SPHKAP: variants seen among roughly 807,000 people sequenced by gnomAD.
SPHKAP encodes SPHK1 interactor, AKAP domain containing.
In SPHKAP, 67 loss-of-function variants were observed where a neutral mutation model predicts 137.5. The observed-to-expected ratio is 0.49, with a 90% CI of 0.40 to 0.60. The LOEUF (loss-of-function observed/expected upper bound fraction) is 0.60, where lower values mean the gene tolerates loss of function less well. Among genes scored for constraint, SPHKAP ranks in the 20% least tolerant of loss-of-function variants. The pLI, the probability that SPHKAP is intolerant of heterozygous loss-of-function variation, is 0.00. For synonymous variants in SPHKAP, 813 were observed against 785.3 expected, an observed-to-expected ratio of 1.04 and a Z score of -0.59; for missense variants, 2,097 against 2,069.3, an observed-to-expected ratio of 1.01 and a Z score of -0.26.
rs529122267 is a variant in SPHKAP, at chr2:228,103,181, C to A, written c.246+5651G>T. Among the ~76,000 whole-genome samples the A allele has an allele frequency of 1.1e-3, 165 of 152,298 alleles. 1 individual carries two copies. Among genetic ancestry groups the A allele is most frequent in the African/African-American group, 3.5e-3 (147 of 41,546 alleles). On this transcript the variant is annotated intron_variant, in intron 3 of 11. Coordinates refer to ENST00000392056, the MANE Select transcript of SPHKAP (RefSeq NM_001142644.2). ...GTTCTGTGTCATGCTTTTCCCCCAA[C>A]CCCCCACAGAAACCTAATTCATTGT... is the stretch of plus-strand genomic sequence containing the variant.
At chr2:228,118,853 G>C (rs538037634) in intron 2 of SPHKAP, among the ~76,000 whole-genome samples, 47 of 152,062 alleles carry the variant, frequency 3.1e-4, no homozygotes, top group African/African-American at 1.1e-3. Flanking sequence ...CTGGAGCATT[G>C]GTGCACAAAA....
chr2:228,109,091 A>G (rs1698436767), intron 2 of SPHKAP, 152 bp from the exon 3 acceptor site: 2 of 560,984 alleles, frequency 3.6e-6, no homozygotes. Context: ...TTGCAGGATG[A>G]TAGCACCTCT....
chr2:228,079,606 T>G (rs191155660), intron 3 of SPHKAP, among the ~76,000 whole-genome samples: 1 of 152,324 alleles, frequency 6.6e-6, no homozygotes, highest in East Asian at 1.9e-4. Context: ...CCCCGGTGGA[T>G]GCATGTGCCA....
intron 3 of SPHKAP, among the ~76,000 whole-genome samples, chr2:228,054,101 A>G (rs975844917): frequency 6.6e-6 from 1 of 152,194 alleles, no homozygotes; most frequent in African/African-American, 2.4e-5. Context: ...AAAAGAGTAC[A>G]AAGGAAATCA....
At position 228,017,999 on chromosome 2, in the gene SPHKAP, G is replaced by C. The variant is rs746785203; in HGVS notation, c.2855C>G (p.Ser952Cys). Residue 952 changes from serine to cysteine, a missense_variant, in exon 7 of 12, where the codon TCC (serine) becomes TGC (cysteine). Coordinates refer to ENST00000392056, the MANE Select transcript of SPHKAP (RefSeq NM_001142644.2). ...TEIAAICLDN[S>C]SGKQPWFCAW... The stretch of plus-strand genomic sequence containing the variant: ...ACAAAACCAGGGTTGTTTTCCACTG[G>C]AGTTGTCAAGGCAAATCGCTGCAAT... 3 of 1,613,992 alleles carry C rather than the reference G, an allele frequency of 1.9e-6. No individual in the cohort carries two copies. In the East Asian group the frequency reaches 6.7e-5, roughly 36 times the overall value.
At chr2:228,080,154 A>G (rs952786662) in intron 3 of SPHKAP, among the ~76,000 whole-genome samples, 2 of 152,174 alleles carry the variant, frequency 1.3e-5, no homozygotes. Context: ...AAGCTTCTGC[A>G]CCGCCAAGGA....
chr2:228,033,180 G>A (rs527596724), intron 3 of SPHKAP, among the ~76,000 whole-genome samples: 18 of 152,204 alleles, frequency 1.2e-4, no homozygotes, highest in Non-Finnish European at 2.2e-4. Context: ...AGGGATGGAG[G>A]AAGATCTACC....
At chr2:228,159,093 C>T (rs1049057048) in intron 1 of SPHKAP, among the ~76,000 whole-genome samples, 23 of 152,138 alleles carry the variant, frequency 1.5e-4, no homozygotes, top group African/African-American at 5.6e-4. Context: ...ACTGTAGGGT[C>T]CATCCTCTCC....
rs376140293 is a variant in SPHKAP, at chr2:228,124,368, T to C, written c.138+7612A>G. Among the ~76,000 whole-genome samples, 26 of 151,818 alleles carry C rather than the reference T, an allele frequency of 1.7e-4. No homozygotes were observed. The East Asian group carries it at 4.5e-3, about 26-fold the overall frequency. The stretch of plus-strand genomic sequence containing the variant: ...ACAATGATAGACTGGATTAAGAAAA[T>C]GTGGCACATGTACACCATGGAATAC... On this transcript the variant is annotated intron_variant, in intron 2 of 11. Transcript: ENST00000392056.
At chr2:228,098,878 A>T (rs1698094967) in intron 3 of SPHKAP, among the ~76,000 whole-genome samples, 1 of 145,912 alleles carries the variant, frequency 6.9e-6, no homozygotes, top group African/African-American at 2.5e-5. Flanking sequence ...TAATGTGGTT[A>T]TTTGTTTTTT....
chr2:228,097,643 C>G (rs1698027401), intron 3 of SPHKAP, among the ~76,000 whole-genome samples: 1 of 152,098 alleles, frequency 6.6e-6, no homozygotes, highest in South Asian at 2.1e-4. Flanking sequence ...AGTAGTTTTC[C>G]ATCTCTTGCC....
At chr2:228,149,885 C>T (rs957145670) in intron 1 of SPHKAP, among the ~76,000 whole-genome samples, 1 of 152,060 alleles carries the variant, frequency 6.6e-6, no homozygotes, top group Non-Finnish European at 1.5e-5. Context: ...TGGAAATGCT[C>T]AGATTTGGTT....
chr2:228,033,261 A>G (rs1270598800), intron 3 of SPHKAP, among the ~76,000 whole-genome samples: 1 of 152,210 alleles, frequency 6.6e-6, no homozygotes, highest in South Asian at 2.1e-4. Flanking sequence ...TTAAACTAAC[A>G]AAGATCAAAA....
intron 11 of SPHKAP, 164 bp from the exon 12 acceptor site, chr2:227,982,024 A>G (rs993700208): frequency 3.1e-6 from 3 of 981,834 alleles, no homozygotes; most frequent in South Asian, 9.4e-5. Flanking sequence ...TAAGAATTTC[A>G]GATTATTACC....
Position 228,015,624 on chromosome 2 carries a change from C to T in SPHKAP, c.4448+782G>A, listed in dbSNP as rs151290603. Reference sequence around the variant, plus strand: ...CAGCCTCAGAGAAATTATTACCTTGCGTCAAATTCAAAATGGATTGTCAAC... The same window carrying T: ...CAGCCTCAGAGAAATTATTACCTTGTGTCAAATTCAAAATGGATTGTCAAC... On this transcript the variant is annotated intron_variant, in intron 7 of 11. Transcript: ENST00000392056. 8.8e-3 allele frequency among the ~76,000 whole-genome samples: 1,338 copies of T among 152,204 alleles called. 11 individuals are homozygous for T. The highest frequency in any genetic ancestry group is 0.015 in the African/African-American group (635 of 41,530).
At chr2:228,154,481 A>ACT (rs371642332) in intron 1 of SPHKAP, among the ~76,000 whole-genome samples, 682 of 47,180 alleles carry the variant, frequency 0.014, 21 homozygotes, top group African/African-American at 0.017. Flanking sequence ...TTGTAAATAA[A>ACT]CTCTCTCTCT....
At position 228,109,512 on chromosome 2, in the gene SPHKAP, G is replaced by A. The variant is rs992043094; in HGVS notation, c.139-573C>T. ...TTGCCATTTAGAAATAGCACGGTAT[G>A]GCAAAAATAATTGGAATACATGAAT... On this transcript the variant is annotated intron_variant, in intron 2 of 11. Transcript: ENST00000392056. 5 of 280,894 alleles carry A rather than the reference G, an allele frequency of 1.8e-5. No individual in the cohort carries two copies. The East Asian group carries it at 8.8e-4, about 50-fold the overall frequency. 17.4% of individuals were successfully genotyped at this position (280,894 alleles called of 1,614,324 possible). A position where few individuals can be genotyped will look rare whatever the true frequency, so the allele number is the denominator to read the frequency against.
At chr2:227,993,458 C>G in intron 9 of SPHKAP, 76 bp downstream of exon 9, 5 of 1,361,670 alleles carry the variant, frequency 3.7e-6, no homozygotes, top group Non-Finnish European at 5.1e-6. Context: ...TGGGCACAAC[C>G]TGAATGATCA....
chr2:228,168,708 T>C (rs1164960069), intron 1 of SPHKAP, among the ~76,000 whole-genome samples: 1 of 152,122 alleles, frequency 6.6e-6, no homozygotes, highest in Non-Finnish European at 1.5e-5. Flanking sequence ...TGAAATGGCC[T>C]GTAGATCTTC....
Sources: gnomAD v4.1 joint callset for allele counts (sites outside exome capture counted in the v4.1 genomes callset) on GRCh38, gnomAD v4.1.1 for gene constraint, MANE v1.5 for transcripts, NCBI Gene and HGNC (gene_info 2026-07-23, HGNC 2026-07-21) for gene names.